RHOXF1: variants seen among roughly 807,000 people sequenced by gnomAD.
RHOXF1 encodes the protein Rhox homeobox family member 1.
Under a neutral mutation model 9.7 loss-of-function variants are expected in RHOXF1, and 1 was observed. The observed-to-expected ratio is 0.10, with a 90% CI of 0.04 to 0.49. The LOEUF (loss-of-function observed/expected upper bound fraction) is 0.49, where lower values mean the gene tolerates loss of function less well. Among genes scored for constraint, RHOXF1 ranks in the 20% least tolerant of loss-of-function variants. The pLI is 0.95. For missense variants in RHOXF1, 179 were observed against 168.0 expected, an observed-to-expected ratio of 1.07 and a Z score of -0.36; for synonymous variants, 72 against 70.2, an observed-to-expected ratio of 1.03 and a Z score of -0.13.
chrX:120,117,351 T>G (rs1018149458), upstream of RHOXF1, among the ~76,000 whole-genome samples: 1 of 111,196 alleles, frequency 9.0e-6, no homozygotes, highest in Non-Finnish European at 1.9e-5. Flanking sequence ...AGATGTCTTT[T>G]GAGGGTGGAC....
Position 120,115,881 on chromosome X carries a change from C to G in RHOXF1, c.-19G>C. On this transcript the variant is annotated 5_prime_UTR_variant, in exon 1 of 3. Transcript: ENST00000217999. ...GCGCCATGGCTGGAGCGCTGCGCCC[C>G]TGCACAAACTCCGTGGCGTCTGCAG... is the stretch of plus-strand genomic sequence containing the variant. The G allele has an allele frequency of 8.7e-7, 1 of 1,150,072 alleles. No individual in the cohort carries two copies. Among genetic ancestry groups the G allele is most frequent in the Non-Finnish European group, 1.1e-6 (1 of 870,954 alleles). The allele number at this position is 1,150,072 out of a possible 1,213,427, so 94.8% of individuals were successfully genotyped here.
intron 1 of RHOXF1, among the ~76,000 whole-genome samples, chrX:120,114,880 A>G (rs1412172998): frequency 8.9e-6 from 1 of 112,470 alleles, no homozygotes; most frequent in Non-Finnish European, 1.9e-5. Context: ...AATATTATTT[A>G]GCCTTAAAAA....
Position 120,115,649 on chromosome X carries a change from C to CGCCGCCCTCGGGGATCAT in RHOXF1, c.196_213dup (p.Met66_Gly71dup), listed in dbSNP as rs1569312779. ...TGCTGCCGAGGCTCCTGGTTTCCAC[C>CGCCGCCCTCGGGGATCAT]GCCGCCCTCGGGGATCATGCCGCCA... On this transcript the variant is annotated inframe_insertion, in exon 1 of 3. Transcript: ENST00000217999. 1 of 1,188,561 alleles carries CGCCGCCCTCGGGGATCAT rather than the reference C, an allele frequency of 8.4e-7. No homozygotes were observed. The highest frequency in any genetic ancestry group is 2.3e-5 in the Admixed American group (1 of 43,873).
chrX:120,113,728 G>A (rs889094813), intron 1 of RHOXF1, among the ~76,000 whole-genome samples: 9 of 108,640 alleles, frequency 8.3e-5, no homozygotes, highest in African/African-American at 3.0e-4. Context: ...CAAAAGCGCT[G>A]GAATTACAGG....
rs781806029 is a variant in RHOXF1, at chrX:120,115,844, G to C, written c.19C>G (p.His7Asp). Reference sequence around the variant, plus strand: ...CTCAGGCAGTAGAACACGGTGTCGTGGACGAGCGAACGCGCCATGGCTGGA... The same window carrying C: ...CTCAGGCAGTAGAACACGGTGTCGTCGACGAGCGAACGCGCCATGGCTGGA... MARSLV[H>D]DTVFYCLSVY... is the part of the protein sequence containing the mutation. The change falls in exon 1 of 3, where the codon CAC becomes GAC. Residue 7 changes from histidine (H) to aspartate (D), a missense_variant. By Grantham distance (81) the His-to-Asp change is moderately conservative. Coordinates refer to ENST00000217999, the MANE Select transcript of RHOXF1 (RefSeq NM_139282.3). 2 of 1,182,246 alleles carry C rather than the reference G, an allele frequency of 1.7e-6. No individual in the cohort carries two copies. The highest frequency in any genetic ancestry group is 4.6e-5 in the Admixed American group (2 of 43,425).
intron 1 of RHOXF1, among the ~76,000 whole-genome samples, chrX:120,114,597 A>C (rs1259662520): frequency 8.9e-6 from 1 of 111,863 alleles, no homozygotes; most frequent in Non-Finnish European, 1.9e-5. Context: ...AAAAGAAAGA[A>C]AGAAAGAAAA....
chrX:120,115,327 T>C, intron 1 of RHOXF1, 138 bp downstream of exon 1: 1 of 418,240 alleles, frequency 2.4e-6, no homozygotes, highest in Non-Finnish European at 3.8e-6. Context: ...AGGAGGTAAA[T>C]ATCCCCCTCC....
Position 120,109,359 on chromosome X carries a change from T to A in RHOXF1, c.445-57A>T, listed in dbSNP as rs182548920. 3,655 of 712,293 alleles carry A rather than the reference T, an allele frequency of 5.1e-3. 21 individuals carry two copies. The highest frequency in any genetic ancestry group is 5.5e-3 in the Non-Finnish European group (2,530 of 461,743). The allele number at this position is 712,293 out of a possible 1,213,427, so 58.7% of individuals were successfully genotyped here. A position where few individuals can be genotyped will look rare whatever the true frequency, so the allele number is the denominator to read the frequency against. On this transcript the variant is annotated intron_variant, in intron 2 of 2. Transcript: ENST00000217999. ...GTATATTGAACAGTTAATGTCGTAA[T>A]AGAAAAACACAGGATGCAACTTTAT...
chrX:120,110,963 T>C (rs1468846487), intron 2 of RHOXF1, among the ~76,000 whole-genome samples: 2 of 111,938 alleles, frequency 1.8e-5, no homozygotes, highest in Non-Finnish European at 3.8e-5. Context: ...AAGTGTACAG[T>C]GGGTTAACTG....
intron 2 of RHOXF1, among the ~76,000 whole-genome samples, chrX:120,112,553 A>ATATATTACAC (rs2057275394): frequency 2.5e-5 from 1 of 39,927 alleles, no homozygotes; most frequent in Non-Finnish European, 3.9e-5. Flanking sequence ...ATATATGTAT[A>ATATATTACAC]ATATATGTGT....
At chrX:120,113,858 G>A (rs782006292) in intron 1 of RHOXF1, among the ~76,000 whole-genome samples, 12 of 108,910 alleles carry the variant, frequency 1.1e-4, no homozygotes, top group African/African-American at 3.0e-4. Flanking sequence ...TTGGGAGGCC[G>A]AGGCAGGCAA....
At chrX:120,117,732 G>A (rs967674662), upstream of RHOXF1, 1 of 111,471 alleles carries the variant, frequency 9.0e-6, no homozygotes, top group Admixed American at 9.5e-5. Context: ...GAGAGAGGAA[G>A]AAGAAGAAAA....
upstream of RHOXF1, chrX:120,119,660 A>G (rs2057309436): frequency 9.0e-6 from 1 of 110,967 alleles, no homozygotes. Context: ...TCCATGATTA[A>G]AACTCTTACA....
chrX:120,115,796 G>A lies in RHOXF1; in HGVS notation c.67C>T (p.Pro23Ser). The A allele has an allele frequency of 8.3e-7, 1 of 1,205,258 alleles. No homozygotes were observed. The highest frequency in any genetic ancestry group is 1.8e-5 in the South Asian group (1 of 56,633). ...CLSVYQVKIS[P>S]TPQLGAASSA... is the part of the protein sequence containing the mutation. ...GATGCTGCCCCCAGCTGAGGTGTGG[G>A]GCTTATTTTTACCTGGTATACACTC... Residue 23 changes from proline (P) to serine (S), a missense_variant, in exon 1 of 3, where the codon CCC (proline) becomes TCC (serine). Pro to Ser is a moderately conservative substitution (Grantham distance 74, BLOSUM62 -1). Transcript: ENST00000217999.
chrX:120,109,117 G>A lies in RHOXF1; in HGVS notation c.*75C>T, dbSNP rs2057253363. ...GAGATAAGGGTAGCCTGAGCGGCAT[G>A]GGCAGCCCAGGTGTCAGTGGCACCA... On this transcript the variant is annotated 3_prime_UTR_variant, in exon 3 of 3. Coordinates refer to ENST00000217999, the MANE Select transcript of RHOXF1 (RefSeq NM_139282.3). 1 of 591,865 alleles carries A rather than the reference G, an allele frequency of 1.7e-6. No individual in the cohort carries two copies. The allele number at this position is 591,865 out of a possible 1,213,427, so 48.8% of individuals were successfully genotyped here. A position where few individuals can be genotyped will look rare whatever the true frequency, so the allele number is the denominator to read the frequency against.
chrX:120,109,178 A>T lies in RHOXF1; in HGVS notation c.*14T>A, dbSNP rs1555999381. The T allele has an allele frequency of 9.1e-7, 1 of 1,099,771 alleles. No homozygotes were observed. The highest frequency in any genetic ancestry group is 2.2e-5 in the Admixed American group (1 of 44,874). The allele number at this position is 1,099,771 out of a possible 1,213,427, so 90.6% of individuals were successfully genotyped here. A position where few individuals can be genotyped will look rare whatever the true frequency, so the allele number is the denominator to read the frequency against. ...TCTCCAAACTAGCTCCTGAAGAAGGATGGCATTCTAGGGCTAGTCCACGAC... is the reference window on the plus strand; with the variant it reads ...TCTCCAAACTAGCTCCTGAAGAAGGTTGGCATTCTAGGGCTAGTCCACGAC... On this transcript the variant is annotated 3_prime_UTR_variant, in exon 3 of 3. Coordinates refer to ENST00000217999, the MANE Select transcript of RHOXF1 (RefSeq NM_139282.3).
Position 120,115,777 on chromosome X carries a change from GC to G in RHOXF1, c.85del (p.Ala29GlnfsTer20). 8.3e-7 allele frequency: 1 copy of G among 1,207,645 alleles called. No individual in the cohort carries two copies. Reference protein sequence around the residue: ...VKISPTPQLGAASSAEGHVGQ... With the variant: ...VKISPTPQLGXASSAEGHVGQ... ...AACATGGCCTTCTGCGCTTGATGCT[GC>G]CCCCAGCTGAGGTGTGGGGCTTATT... On this transcript the variant is annotated frameshift_variant, in exon 1 of 3. Transcript: ENST00000217999. LOFTEE classifies it high-confidence loss of function.
chrX:120,113,612 C>A (rs1411034209), intron 1 of RHOXF1, among the ~76,000 whole-genome samples: 2 of 108,075 alleles, frequency 1.9e-5, no homozygotes, highest in Non-Finnish European at 3.8e-5. Flanking sequence ...CACCACCACA[C>A]CCACATGGCT....
At chrX:120,111,311 G>A (rs1403350547) in intron 2 of RHOXF1, among the ~76,000 whole-genome samples, 2 of 111,531 alleles carry the variant, frequency 1.8e-5, no homozygotes, top group Non-Finnish European at 3.8e-5. Context: ...AGGTGTGATT[G>A]TGAGTCCACC....
Sources: gnomAD v4.1 joint callset for allele counts (sites outside exome capture counted in the v4.1 genomes callset) on GRCh38, gnomAD v4.1.1 for gene constraint, MANE v1.5 for transcripts, NCBI Gene and HGNC (gene_info 2026-07-23, HGNC 2026-07-21) for gene names.